SSPN: variants seen among roughly 807,000 people sequenced by gnomAD.
The protein encoded by SSPN is K-ras oncogene-associated protein.
SSPN carries 15 observed loss-of-function variants against 19.1 expected under a neutral mutation model. The observed-to-expected ratio is 0.78, with a 90% CI of 0.52 to 1.21. The LOEUF (loss-of-function observed/expected upper bound fraction) is 1.21, where lower values mean the gene tolerates loss of function less well. Ranked by LOEUF, SSPN falls within the 50% of genes most tolerant of loss-of-function variation. The pLI is 0.00. For synonymous variants in SSPN, 147 were observed against 140.3 expected, an observed-to-expected ratio of 1.05 and a Z score of -0.34; for missense variants, 291 against 314.0, an observed-to-expected ratio of 0.93 and a Z score of 0.55.
chr12:26,210,785 GGA>G (rs1479049275), intron 1 of SSPN, among the ~76,000 whole-genome samples: 2 of 152,042 alleles, frequency 1.3e-5, no homozygotes, highest in Non-Finnish European at 2.9e-5. Context: ...TGTTTTATAG[GGA>G]GAGAGTTTTC....
chr12:26,182,162 C>T (rs1158982279), intron 1 of SSPN, among the ~76,000 whole-genome samples: 1 of 152,152 alleles, frequency 6.6e-6, no homozygotes, highest in Admixed American at 6.5e-5. Flanking sequence ...CGTAGTAAGA[C>T]CACGGGTTAG....
Position 26,232,741 on chromosome 12 carries a change from T to G in SSPN, c.*1665T>G. On this transcript the variant is annotated 3_prime_UTR_variant, in exon 3 of 3. Transcript: ENST00000242729. Reference sequence around the variant, plus strand: ...TATGTCCTCTAGATAAAACACCCGATTAACAGATGTTAAACCTTTTAATGT... The same window carrying G: ...TATGTCCTCTAGATAAAACACCCGAGTAACAGATGTTAAACCTTTTAATGT... 1 of 982,638 alleles carries G rather than the reference T, an allele frequency of 1.0e-6. No homozygotes were observed. Among genetic ancestry groups the G allele is most frequent in the Non-Finnish European group, 1.2e-6 (1 of 827,488 alleles). The allele number at this position is 982,638 out of a possible 1,614,324, so 60.9% of individuals were successfully genotyped here. A position where few individuals can be genotyped will look rare whatever the true frequency, so the allele number is the denominator to read the frequency against.
chr12:26,150,309 G>C (rs933259014), intron 1 of SSPN, among the ~76,000 whole-genome samples: 1 of 152,176 alleles, frequency 6.6e-6, no homozygotes, highest in South Asian at 2.1e-4. Context: ...TTGACACTGA[G>C]AGCAAAGTTC....
chr12:26,229,949 A>G (rs1020600910), intron 2 of SSPN, among the ~76,000 whole-genome samples: 28 of 152,250 alleles, frequency 1.8e-4, no homozygotes, highest in African/African-American at 6.3e-4. Context: ...GTAGCAGCAG[A>G]GCGAGAACTT....
Position 26,122,282 on chromosome 12 carries a change from CGCGGCGGCGGCGGCG to C in SSPN, c.-31+133_-31+147del, listed in dbSNP as rs909227356. The C allele has an allele frequency of 2.2e-5, 27 of 1,202,370 alleles. No individual in the cohort carries two copies. In the African/African-American group the frequency reaches 3.8e-4, roughly 17 times the overall value. The allele number at this position is 1,202,370 out of a possible 1,614,324, so 74.5% of individuals were successfully genotyped here. A position where few individuals can be genotyped will look rare whatever the true frequency, so the allele number is the denominator to read the frequency against. The stretch of plus-strand genomic sequence containing the variant: ...ACAACACCGAGGACAGGCAGGGGAA[CGCGGCGGCGGCGGCG>C]GCAGCGGCGGCGGCGGCTGCCGCGG... On this transcript the variant is annotated intron_variant, in intron 1 of 2. Transcript: ENST00000538142.
upstream of SSPN, chr12:26,195,481 C>A: frequency 9.8e-7 from 1 of 1,024,722 alleles, no homozygotes; most frequent in Non-Finnish European, 1.3e-6. Flanking sequence ...GTTGGCGACC[C>A]CCCTCGAATC....
chr12:26,226,415 A>G (rs1945176477), intron 2 of SSPN, among the ~76,000 whole-genome samples: 1 of 152,212 alleles, frequency 6.6e-6, no homozygotes, highest in Non-Finnish European at 1.5e-5. Flanking sequence ...CAGGACAAGC[A>G]AACGGGCCAT....
At chr12:26,189,698 C>T (rs549389429) in intron 1 of SSPN, among the ~76,000 whole-genome samples, 5 of 152,282 alleles carry the variant, frequency 3.3e-5, no homozygotes, top group South Asian at 2.1e-4. Context: ...GATTCCTTTA[C>T]GTATATTCTC....
At chr12:26,222,345 T>G (rs1050947731) in intron 1 of SSPN, among the ~76,000 whole-genome samples, 9 of 152,212 alleles carry the variant, frequency 5.9e-5, no homozygotes, top group African/African-American at 1.9e-4. Context: ...CATAGGCAGC[T>G]TATTGATTAT....
intron 1 of SSPN, chr12:26,123,949 C>T (rs1179884649): frequency 1.2e-6 from 1 of 800,596 alleles, no homozygotes; most frequent in Non-Finnish European, 2.1e-6. Flanking sequence ...AAACTCTGTA[C>T]GGTATAGCAC....
chr12:26,122,306 G>T, intron 1 of SSPN: 3 of 1,181,892 alleles, frequency 2.5e-6, no homozygotes, highest in Middle Eastern at 3.4e-4. Context: ...CGGCAGCGGC[G>T]GCGGCGGCTG....
chr12:26,138,161 C>T (rs566588745), intron 1 of SSPN, among the ~76,000 whole-genome samples: 1 of 152,134 alleles, frequency 6.6e-6, no homozygotes, highest in Non-Finnish European at 1.5e-5. Context: ...CCTAATATGA[C>T]ATAAACACTA....
intron 1 of SSPN, among the ~76,000 whole-genome samples, chr12:26,177,804 T>G (rs1944693769): frequency 6.6e-6 from 1 of 152,172 alleles, no homozygotes; most frequent in African/African-American, 2.4e-5. Context: ...GGCTGGCTCT[T>G]TACACACTCA....
intron 1 of SSPN, among the ~76,000 whole-genome samples, chr12:26,126,988 G>A (rs1264592066): frequency 6.6e-6 from 1 of 152,200 alleles, no homozygotes; most frequent in Non-Finnish European, 1.5e-5. Flanking sequence ...GCACGTTGGA[G>A]CCCTAAAAGC....
At chr12:26,209,180 C>T (rs1458867222) in intron 1 of SSPN, among the ~76,000 whole-genome samples, 1 of 152,022 alleles carries the variant, frequency 6.6e-6, no homozygotes, top group Non-Finnish European at 1.5e-5. Flanking sequence ...TTATTTGAGT[C>T]TTCTCTAATG....
chr12:26,201,571 T>C (rs1057167674), intron 1 of SSPN, among the ~76,000 whole-genome samples: 1 of 151,834 alleles, frequency 6.6e-6, no homozygotes. Flanking sequence ...AGAGTGTTTA[T>C]ATAATGAGGA....
chr12:26,166,877 G>T (rs1412444913), intron 1 of SSPN, among the ~76,000 whole-genome samples: 1 of 152,176 alleles, frequency 6.6e-6, no homozygotes, highest in East Asian at 1.9e-4. Context: ...ATGAACTGTG[G>T]AATAAGCAAT....
chr12:26,171,677 G>A (rs1944654524), intron 1 of SSPN, among the ~76,000 whole-genome samples: 3 of 151,018 alleles, frequency 2.0e-5, no homozygotes, highest in South Asian at 4.2e-4. Context: ...TATTTATGTG[G>A]GTTTATAATT....
chr12:26,184,944 T>G (rs1204089956), intron 1 of SSPN, among the ~76,000 whole-genome samples: 1 of 152,170 alleles, frequency 6.6e-6, no homozygotes, highest in African/African-American at 2.4e-5. Context: ...GCTGGAAACC[T>G]CAAGCAGCTT....
Sources: allele counts gnomAD v4.1 joint callset (sites outside exome capture counted in the v4.1 genomes callset), GRCh38; gene constraint gnomAD v4.1.1; transcripts MANE v1.5; gene names NCBI Gene and HGNC (gene_info 2026-07-23, HGNC 2026-07-21).